Variants in LYST observed in about 807,000 individuals in gnomAD.
LYST encodes the protein lysosomal trafficking regulator, also known as lysosomal-trafficking regulator.
LYST carries 192 observed loss-of-function variants against 413.6 expected under a neutral mutation model. The observed-to-expected ratio is 0.46, with a 90% confidence interval of 0.41 to 0.52. The LOEUF (loss-of-function observed/expected upper bound fraction) is 0.52. LYST is among the 20% of genes least tolerant of loss of function. The pLI, the probability that LYST is intolerant of heterozygous loss-of-function variation, is 0.00. For missense variants in LYST, 3,815 were observed against 4,499.9 expected, an observed-to-expected ratio of 0.85 and a Z score of 4.35; for synonymous variants, 1,525 against 1,567.3, an observed-to-expected ratio of 0.97 and a Z score of 0.64.
At chr1:235,751,403 TTAC>T in intron 27 of LYST, 41 bp from the exon 28 acceptor site, 1 of 1,556,114 alleles carries the variant, frequency 6.4e-7, no homozygotes, top group South Asian at 1.1e-5. Context: ...AGCTATGTGG[TTAC>T]TAATTTTTTA....
intron 25 of LYST, among the ~76,000 whole-genome samples, chr1:235,754,060 T>G (rs1666745654): frequency 6.6e-6 from 1 of 152,060 alleles, no homozygotes; most frequent in African/African-American, 2.4e-5. Flanking sequence ...CCATCAGCAT[T>G]CTACCAGGGT....
At chr1:235,799,598 G>C (rs1172691250) in intron 10 of LYST, among the ~76,000 whole-genome samples, 1 of 152,092 alleles carries the variant, frequency 6.6e-6, no homozygotes, top group Non-Finnish European at 1.5e-5. Flanking sequence ...GTGTAGGCTA[G>C]CCTTAATTCT....
intron 46 of LYST, 83 bp from the exon 47 acceptor site, chr1:235,693,569 T>C (rs1660846705): frequency 1.1e-5 from 16 of 1,467,436 alleles, no homozygotes; most frequent in Non-Finnish European, 1.5e-5. Flanking sequence ...GATTAAAGGG[T>C]GAAGTTTACA....
rs1253747803 is a variant in LYST at position 235,800,330 on chromosome 1, A to C, written c.3996T>G (p.Ser1332=). Residue 1332 remains serine (S), a synonymous_variant, in exon 10 of 53, where the codon TCT becomes TCG. Coordinates refer to ENST00000389793, the MANE Select transcript of LYST (RefSeq NM_000081.4). ...ACAGTTTCAACTTACCTTGAAAATC[A>C]GAATCATCCTGTGTTAAAATACTCA... ...GFLSILTQDD[S]DFQACQRVLV... is the part of the protein sequence containing the mutation. The C allele has an allele frequency of 1.9e-6, 3 of 1,582,776 alleles. No homozygotes were observed. The highest frequency in any genetic ancestry group is 1.3e-5 in the African/African-American group (1 of 74,218).
intron 2 of LYST, among the ~76,000 whole-genome samples, chr1:235,833,084 T>A (rs988350992): frequency 2.6e-5 from 4 of 151,772 alleles, no homozygotes; most frequent in Admixed American, 2.0e-4. Flanking sequence ...CAATTTCCAT[T>A]ATTCTATCTA....
At chr1:235,839,617 A>ACCCCC (rs34682314) in intron 1 of LYST, 34 of 146,208 alleles carry the variant, frequency 2.3e-4, no homozygotes, top group African/African-American at 8.8e-4. Context: ...AACACGGAGA[A>ACCCCC]CCCCCCCCAC....
rs1353179600 is a variant in LYST at position 235,808,930 on chromosome 1, G to A, written c.1888C>T (p.Pro630Ser). Reference protein sequence around the residue: ...LDQLGGAEISPKIKKAACNIC... With the variant: ...LDQLGGAEISSKIKKAACNIC... Reference sequence around the variant, plus strand: ...TTACAAGCTGCTTTTTTAATTTTTGGTGATATCTCTGCTCCTCCTAACTGA... The same window carrying A: ...TTACAAGCTGCTTTTTTAATTTTTGATGATATCTCTGCTCCTCCTAACTGA... Residue 630 changes from proline to serine, a missense_variant, in exon 5 of 53, where the codon CCA becomes TCA. Around this residue, in one of 4 missense-constraint regions of LYST, gnomAD observed 1,648 missense variants for 1,810.3 expected, o/e 0.91. Transcript: ENST00000389793. 5.6e-6 allele frequency: 9 copies of A among 1,611,870 alleles called. No homozygotes were observed. The highest frequency in any genetic ancestry group is 1.7e-5 in the Admixed American group (1 of 59,686).
intron 33 of LYST, 48 bp from the exon 34 acceptor site, chr1:235,733,739 T>C: frequency 6.5e-7 from 1 of 1,539,862 alleles, no homozygotes; most frequent in Non-Finnish European, 9.0e-7. Flanking sequence ...ATGGAACGTA[T>C]TTATCAGAAC....
At position 235,777,164 on chromosome 1, in the gene LYST, G is replaced by T. The variant is rs201117816; in HGVS notation, c.5359C>A (p.Pro1787Thr). The T allele has an allele frequency of 6.2e-7, 1 of 1,613,548 alleles. No individual in the cohort carries two copies. The highest frequency in any genetic ancestry group is 8.5e-7 in the Non-Finnish European group (1 of 1,179,640). ...SKEVQSILLE[P>T]HHLKNLQPTE... The stretch of plus-strand genomic sequence containing the variant: ...GGTTGGAGATTCTTTAGATGATGAG[G>T]TTCTAATAAGATGCTCTGAACTTCT... The change falls in exon 17 of 53, where the codon CCT (proline) becomes ACT (threonine). Residue 1787 changes from proline to threonine, a missense_variant. By Grantham distance (38) the Pro-to-Thr change is conservative. Around this residue, in one of 4 missense-constraint regions of LYST, gnomAD observed 530 missense variants for 696.5 expected, o/e 0.76. Transcript: ENST00000389793.
intron 1 of LYST, among the ~76,000 whole-genome samples, chr1:235,882,673 C>A (rs1388532705): frequency 2.0e-5 from 3 of 152,012 alleles, no homozygotes; most frequent in African/African-American, 4.8e-5. Context: ...TGTGAGATAG[C>A]CTTAGCATAG....
intron 19 of LYST, among the ~76,000 whole-genome samples, chr1:235,772,727 G>T (rs774598432): frequency 1.3e-4 from 20 of 152,130 alleles, no homozygotes; most frequent in Admixed American, 3.9e-4. Context: ...CCCCTAGTTA[G>T]AAGTGTATCC....
Position 235,721,276 on chromosome 1 carries a change from G to C in LYST, c.9316-371C>G, listed in dbSNP as rs12076986. Among the ~76,000 whole-genome samples the C allele has an allele frequency of 7.1e-3, 1,087 of 152,254 alleles. 8 individuals carry two copies. The highest frequency in any genetic ancestry group is 0.025 in the African/African-American group (1,036 of 41,536). ...AGAAACAGCACGGTCTTCTGAATTGGACAGATCTGGTATATTTTCCTGCTA... is the reference window on the plus strand; with the variant it reads ...AGAAACAGCACGGTCTTCTGAATTGCACAGATCTGGTATATTTTCCTGCTA... On this transcript the variant is annotated intron_variant, in intron 39 of 52. Coordinates refer to ENST00000389793, the MANE Select transcript of LYST (RefSeq NM_000081.4).
At chr1:235,666,225 TAC>T (rs66890524) in intron 50 of LYST, among the ~76,000 whole-genome samples, 22,233 of 135,336 alleles carry the variant, frequency 0.16, 1,880 homozygotes, top group Non-Finnish European at 0.22. Context: ...AGTATGTACA[TAC>T]ACACACACAC....
rs1665943938 is a variant in LYST, at chr1:235,746,527, C to T, written c.7781G>A (p.Gly2594Asp). ...TTGAGCAAGGGGAAATTTTCGAGGA[C>T]CTTTAAAAGTATATAAATTAAAACA... ...AVVQKRKSIA[G>D]PRKFPLAQTE... Residue 2594 changes from glycine (G) to aspartate (D), a missense_variant and splice_region_variant, in exon 29 of 53, where the codon GGT becomes GAT. Transcript: ENST00000389793. 6.2e-7 allele frequency: 1 copy of T among 1,607,948 alleles called. No individual in the cohort carries two copies. The highest frequency in any genetic ancestry group is 8.5e-7 in the Non-Finnish European group (1 of 1,175,220).
intron 14 of LYST, among the ~76,000 whole-genome samples, chr1:235,784,307 A>T (rs1670186635): frequency 6.6e-6 from 1 of 152,250 alleles, no homozygotes. Flanking sequence ...GCCAAATGGC[A>T]AACAATTCTC....
intron 26 of LYST, 136 bp downstream of exon 26, chr1:235,752,908 T>G (rs1483711611): frequency 3.8e-6 from 2 of 521,662 alleles, no homozygotes; most frequent in Non-Finnish European, 6.8e-6. Context: ...ATTTTTTTAC[T>G]TTTATTTTAG....
At position 235,806,450 on chromosome 1, in the gene LYST, T is replaced by C. The variant is rs776645334; in HGVS notation, c.2686A>G (p.Asn896Asp). 1.2e-6 allele frequency: 2 copies of C among 1,614,080 alleles called. No homozygotes were observed. ...RKTVNQDVHI[N>D]TINLFLCVAF... ...ACACAGAGGAATAGGTTTATTGTGT[T>C]GATATGAACATCTTGGTTAACAGTC... Residue 896 changes from asparagine (N) to aspartate (D), a missense_variant, in exon 6 of 53, where the codon AAC (asparagine) becomes GAC (aspartate). This residue lies in a region of LYST where 1,648 missense variants were observed against 1,810.3 expected (regional missense o/e 0.91). Coordinates refer to ENST00000389793, the MANE Select transcript of LYST (RefSeq NM_000081.4).
rs1660837284 is a variant in LYST, at chr1:235,693,465, G to A, written c.10586C>T (p.Thr3529Met). 3.7e-6 allele frequency: 6 copies of A among 1,613,482 alleles called. No homozygotes were observed. The highest frequency in any genetic ancestry group is 4.5e-5 in the East Asian group (2 of 44,894). Residue 3529 changes from threonine (T) to methionine (M), a missense_variant, in exon 47 of 53, where the codon ACG becomes ATG. Physicochemically the swap from Thr to Met is moderately conservative, Grantham distance 81. This residue lies in a region of LYST where 866 missense variants were observed against 1,156.0 expected (regional missense o/e 0.75). Coordinates refer to ENST00000389793, the MANE Select transcript of LYST (RefSeq NM_000081.4). ...KEQGVRSMNS[T>M]DIQWSAILSW... ...CAGGATGGCTGACCACTGAATGTCC[G>A]TACTGTTCATGCTTCTCACACCTCA...
At chr1:235,734,392 CAAT>C in intron 32 of LYST, 88 bp downstream of exon 32, 2 of 989,948 alleles carry the variant, frequency 2.0e-6, no homozygotes, top group African/African-American at 1.6e-5. Context: ...AGTTCATCAT[CAAT>C]GATAGCCTGT....
Sources: gnomAD v4.1 joint callset for allele counts (sites outside exome capture counted in the v4.1 genomes callset) on GRCh38, gnomAD v4.1.1 for gene constraint, gnomAD v4.1.1 regional missense constraint, MANE v1.5 for transcripts, NCBI Gene and HGNC (gene_info 2026-07-23, HGNC 2026-07-21) for gene names.